EDIL3: variants seen among roughly 807,000 people sequenced by gnomAD.
The protein encoded by EDIL3 is EGF-like repeat and discoidin I-like domain-containing protein 3.
In EDIL3, 37 loss-of-function variants were observed where a neutral mutation model predicts 67.4. The ratio of observed to expected loss-of-function variants is 0.55; its 90% CI spans 0.42 to 0.72. EDIL3 has a LOEUF of 0.72. Ranked by LOEUF, EDIL3 falls within the 30% of genes least tolerant of loss-of-function variation. The pLI is 0.00. For missense variants in EDIL3, 527 were observed against 586.3 expected, an observed-to-expected ratio of 0.90 and a Z score of 1.04; for synonymous variants, 195 against 196.3, an observed-to-expected ratio of 0.99 and a Z score of 0.05.
chr5:84,337,535 C>T (rs191065953), intron 1 of EDIL3, among the ~76,000 whole-genome samples: 84 of 152,060 alleles, frequency 5.5e-4, no homozygotes, highest in African/African-American at 2.0e-3. Flanking sequence ...GGGACTGGTT[C>T]TGAAACTAGA....
chr5:84,322,770 A>G (rs867828656), intron 1 of EDIL3, among the ~76,000 whole-genome samples: 2 of 152,224 alleles, frequency 1.3e-5, no homozygotes, highest in African/African-American at 4.8e-5. Context: ...AACACATTAT[A>G]ATAAAACTTT....
chr5:84,198,168 C>T (rs1328426211), intron 3 of EDIL3, among the ~76,000 whole-genome samples: 1 of 151,852 alleles, frequency 6.6e-6, no homozygotes, highest in Non-Finnish European at 1.5e-5. Flanking sequence ...GGCATTTCTT[C>T]CACTGTGATT....
At chr5:84,280,536 G>A (rs1313482713) in intron 1 of EDIL3, among the ~76,000 whole-genome samples, 3 of 152,056 alleles carry the variant, frequency 2.0e-5, no homozygotes, top group Non-Finnish European at 4.4e-5. Flanking sequence ...TTCATCCCAC[G>A]ACTGTCGGCA....
chr5:84,087,411 A>G (rs1289721225), intron 6 of EDIL3, among the ~76,000 whole-genome samples: 3 of 152,222 alleles, frequency 2.0e-5, no homozygotes, highest in Admixed American at 1.3e-4. Context: ...TTCCTTCACC[A>G]TATAATATAA....
chr5:84,254,956 T>C (rs1745099315), intron 1 of EDIL3, among the ~76,000 whole-genome samples: 1 of 152,062 alleles, frequency 6.6e-6, no homozygotes, highest in South Asian at 2.1e-4. Context: ...ATGTAGTGTG[T>C]AACAATTGAT....
intron 1 of EDIL3, among the ~76,000 whole-genome samples, chr5:84,298,544 G>C (rs1174414316): frequency 6.6e-6 from 1 of 152,082 alleles, no homozygotes; most frequent in African/African-American, 2.4e-5. Flanking sequence ...GTGATAGGTT[G>C]ATAGGTGCAG....
chr5:84,024,329 C>T (rs1438726106), intron 9 of EDIL3, among the ~76,000 whole-genome samples: 1 of 152,152 alleles, frequency 6.6e-6, no homozygotes, highest in Non-Finnish European at 1.5e-5. Context: ...TTTAGAACAA[C>T]CAAGAAAAAT....
chr5:84,007,881 G>A (rs973477302), intron 9 of EDIL3, among the ~76,000 whole-genome samples: 1 of 152,118 alleles, frequency 6.6e-6, no homozygotes, highest in Non-Finnish European at 1.5e-5. Flanking sequence ...ATCAACCTAA[G>A]TGTCCATCAG....
chr5:84,118,970 A>G (rs150207211), intron 5 of EDIL3, among the ~76,000 whole-genome samples: 29 of 152,288 alleles, frequency 1.9e-4, no homozygotes, highest in Non-Finnish European at 3.8e-4. Flanking sequence ...CAGGGAGAAT[A>G]ACACCCATTT....
At chr5:84,241,698 AC>A (rs1394233247) in intron 2 of EDIL3, among the ~76,000 whole-genome samples, 63 of 150,972 alleles carry the variant, frequency 4.2e-4, no homozygotes, top group Admixed American at 2.2e-3. Flanking sequence ...AAAAAAAAAA[AC>A]AACCTGACAT....
intron 9 of EDIL3, among the ~76,000 whole-genome samples, chr5:83,985,655 CT>C (rs1257479501): frequency 6.6e-6 from 1 of 151,780 alleles, no homozygotes; most frequent in Non-Finnish European, 1.5e-5. Context: ...GTAAATTGGC[CT>C]TGATTTTATG....
intron 9 of EDIL3, among the ~76,000 whole-genome samples, chr5:84,033,478 G>A (rs1745963862): frequency 6.6e-6 from 1 of 152,100 alleles, no homozygotes. Flanking sequence ...GGGAGGCCAA[G>A]GCAGGCAGAT....
At chr5:84,269,002 T>C (rs1428988663) in intron 1 of EDIL3, among the ~76,000 whole-genome samples, 1 of 152,176 alleles carries the variant, frequency 6.6e-6, no homozygotes, top group Non-Finnish European at 1.5e-5. Flanking sequence ...CCTGAAAAAG[T>C]TTAAAAAGTT....
intron 1 of EDIL3, among the ~76,000 whole-genome samples, chr5:84,345,964 A>G (rs1380340701): frequency 6.6e-6 from 1 of 152,170 alleles, no homozygotes; most frequent in Non-Finnish European, 1.5e-5. Context: ...AGGTGAGTCA[A>G]GAAAACTGCT....
chr5:84,246,579 A>G (rs1705615123), intron 2 of EDIL3, among the ~76,000 whole-genome samples: 1 of 152,242 alleles, frequency 6.6e-6, no homozygotes, highest in Admixed American at 6.5e-5. Flanking sequence ...ACATACTCCT[A>G]GAAGAAAGGA....
At chr5:84,208,232 G>A (rs916024417) in intron 3 of EDIL3, among the ~76,000 whole-genome samples, 6 of 152,106 alleles carry the variant, frequency 3.9e-5, no homozygotes, top group African/African-American at 1.4e-4. Flanking sequence ...CAAAAAGTGG[G>A]CAAAGGACAT....
At chr5:84,216,477 A>G (rs143823875) in intron 3 of EDIL3, among the ~76,000 whole-genome samples, 57 of 152,004 alleles carry the variant, frequency 3.7e-4, no homozygotes, top group African/African-American at 1.4e-3. Context: ...ATAAGTGAAT[A>G]AAAAGGCTGA....
chr5:84,193,452 T>G (rs1272538223), intron 3 of EDIL3, among the ~76,000 whole-genome samples: 2 of 151,926 alleles, frequency 1.3e-5, no homozygotes, highest in Non-Finnish European at 1.5e-5. Context: ...ATGAGTAATC[T>G]TTATGGATAT....
intron 9 of EDIL3, among the ~76,000 whole-genome samples, chr5:84,006,343 TAAAACAAAACAAAACAAAAC>T (rs56161304): frequency 4.7e-5 from 7 of 147,740 alleles, no homozygotes; most frequent in African/African-American, 9.9e-5. Context: ...TATGCAGCCA[TAAAACAAAACAAAACAAAAC>T]AAAACAAAAC....
Sources: allele counts gnomAD v4.1 joint callset (sites outside exome capture counted in the v4.1 genomes callset), GRCh38; gene constraint gnomAD v4.1.1; transcripts MANE v1.5; gene names NCBI Gene and HGNC (gene_info 2026-07-23, HGNC 2026-07-21).